USP54: variants seen among roughly 807,000 people sequenced by gnomAD.
USP54 encodes the protein ubiquitin specific peptidase 54.
A neutral mutation model predicts 170.5 loss-of-function variants in USP54; 87 were observed. The observed-to-expected ratio is 0.51, with a 90% CI of 0.43 to 0.61. The LOEUF (loss-of-function observed/expected upper bound fraction) is 0.61, where lower values mean the gene tolerates loss of function less well. Ranked by LOEUF, USP54 falls within the 20% of genes least tolerant of loss-of-function variation. The probability of loss-of-function intolerance (pLI) is 0.00; values close to 1 mark genes in which losing one functional copy is unlikely to be tolerated. For synonymous variants in USP54, 655 were observed against 742.8 expected (o/e 0.88, Z 1.92); for missense variants, 1,786 against 2,047.8 (o/e 0.87, Z 2.47).
In USP54 at chr10:73,510,500, G is replaced by C. The variant is rs114795696; in HGVS notation, c.4052-5074C>G. On this transcript the variant is annotated intron_variant, in intron 20 of 23. Transcript: ENST00000687698. ...CAGTTTTGCTCTTGTTGCCCAGGCT[G>C]TAGTGCAATGGGCAGCTCACTGCAA... Among the ~76,000 whole-genome samples, 1,125 of 143,152 alleles carry C rather than the reference G, an allele frequency of 7.9e-3. 16 individuals are homozygous for C. Among genetic ancestry groups the C allele is most frequent in the African/African-American group, 0.028 (1,063 of 38,520 alleles). The allele number at this position is 143,152 out of a possible 152,430, so 93.9% of individuals were successfully genotyped here. A position where few individuals can be genotyped will look rare whatever the true frequency, so the allele number is the denominator to read the frequency against.
chr10:73,544,484 A>G (rs1011173588), intron 5 of USP54, among the ~76,000 whole-genome samples: 2 of 152,168 alleles, frequency 1.3e-5, no homozygotes, highest in Non-Finnish European at 1.5e-5. Context: ...TTGTTTTAAT[A>G]TAAGTTTTCA....
At chr10:73,596,919 A>C (rs953307571) in intron 1 of USP54, among the ~76,000 whole-genome samples, 1 of 152,176 alleles carries the variant, frequency 6.6e-6, no homozygotes, top group Non-Finnish European at 1.5e-5. Flanking sequence ...AGAATCATAC[A>C]CTAAAGCTGC....
Position 73,544,249 on chromosome 10 carries a change from T to A in USP54, c.376-1118A>T, listed in dbSNP as rs182273230. ...TGAGCCCGGCCAGCATATAACCTTTTGATATTGCATTTTTCACTTTCCCTT... is the reference window on the plus strand; with the variant it reads ...TGAGCCCGGCCAGCATATAACCTTTAGATATTGCATTTTTCACTTTCCCTT... On this transcript the variant is annotated intron_variant, in intron 5 of 23. Coordinates refer to ENST00000687698, the MANE Select transcript of USP54 (RefSeq NM_001391956.1). Among the ~76,000 whole-genome samples, 3 of 152,334 alleles carry A rather than the reference T, an allele frequency of 2.0e-5. No individual in the cohort carries two copies. The East Asian group carries it at 5.8e-4, about 29-fold the overall frequency.
intron 1 of USP54, among the ~76,000 whole-genome samples, chr10:73,615,868 G>A (rs1042546954): frequency 4.9e-5 from 6 of 121,488 alleles, no homozygotes; most frequent in South Asian, 5.1e-4. Context: ...TGTAGTGAGC[G>A]AAATCACTCC....
At chr10:73,546,739 T>C (rs1054853245) in intron 4 of USP54, 1 of 152,240 alleles carries the variant, frequency 6.6e-6, no homozygotes, top group African/African-American at 2.4e-5. Flanking sequence ...GATATAGATA[T>C]AGACCTGGTA....
At chr10:73,549,627 C>T (rs1174552995) in intron 4 of USP54, among the ~76,000 whole-genome samples, 1 of 152,060 alleles carries the variant, frequency 6.6e-6, no homozygotes, top group Non-Finnish European at 1.5e-5. Flanking sequence ...TATATCTAGA[C>T]CCTATTCCAC....
At chr10:73,549,673 C>T (rs1010400777) in intron 4 of USP54, among the ~76,000 whole-genome samples, 4 of 152,314 alleles carry the variant, frequency 2.6e-5, no homozygotes, top group African/African-American at 7.2e-5. Context: ...TGTTCACCAC[C>T]TCATCTGCTA....
At chr10:73,511,333 T>A (rs1477156766) in intron 20 of USP54, among the ~76,000 whole-genome samples, 5 of 151,818 alleles carry the variant, frequency 3.3e-5, no homozygotes, top group Non-Finnish European at 7.4e-5. Flanking sequence ...TACATATCAA[T>A]AAAGCATTTT....
intron 1 of USP54, among the ~76,000 whole-genome samples, chr10:73,621,209 C>T (rs2081059352): frequency 6.7e-6 from 1 of 148,970 alleles, no homozygotes; most frequent in Non-Finnish European, 1.5e-5. Flanking sequence ...ACCAGAAAAC[C>T]GTACTTTGGA....
chr10:73,519,943 T>A lies in USP54; in HGVS notation c.2532A>T (p.Arg844Ser), dbSNP rs775971272. The A allele has an allele frequency of 4.1e-5, 66 of 1,613,508 alleles. No homozygotes were observed. Among genetic ancestry groups the A allele is most frequent in the Non-Finnish European group, 5.3e-5 (62 of 1,179,772 alleles). Residue 844 changes from arginine (R) to serine (S), a missense_variant, in exon 19 of 24, where the codon AGA (arginine) becomes AGT (serine). Arg to Ser is a moderately radical substitution (Grantham distance 110). This residue lies in a region of USP54 where 1,418 missense variants were observed against 1,569.0 expected (regional missense o/e 0.90). Coordinates refer to ENST00000687698, the MANE Select transcript of USP54 (RefSeq NM_001391956.1). ...LHGASCSTHS[R>S]ALVDKKLQIS... is the part of the protein sequence containing the mutation. ...TTTGCAACTTCTTATCGACTAGGGC[T>A]CTGCTGTGCGTGCTACAGCTGGCAC...
intron 4 of USP54, among the ~76,000 whole-genome samples, chr10:73,550,708 T>A (rs540603485): frequency 6.4e-4 from 98 of 152,324 alleles, no homozygotes; most frequent in Admixed American, 1.0e-3. Context: ...TGTTTTTTTT[T>A]AAATAAGTAA....
At chr10:73,570,902 C>T (rs997940705) in intron 4 of USP54, among the ~76,000 whole-genome samples, 1 of 152,046 alleles carries the variant, frequency 6.6e-6, no homozygotes, top group African/African-American at 2.4e-5. Flanking sequence ...CTTTGGGAGG[C>T]CGAGGCAGGC....
chr10:73,502,680 GTC>G (rs2058375465), intron 22 of USP54, among the ~76,000 whole-genome samples: 1 of 152,080 alleles, frequency 6.6e-6, no homozygotes, highest in Non-Finnish European at 1.5e-5. Context: ...TTTCCCTTCA[GTC>G]TCTCTAATCT....
chr10:73,570,085 C>G (rs1461675034), intron 4 of USP54, among the ~76,000 whole-genome samples: 1 of 151,898 alleles, frequency 6.6e-6, no homozygotes, highest in Non-Finnish European at 1.5e-5. Flanking sequence ...ATATAACGAT[C>G]ACATCCAAAC....
At chr10:73,567,901 A>T (rs78289945) in intron 4 of USP54, among the ~76,000 whole-genome samples, 1 of 152,244 alleles carries the variant, frequency 6.6e-6, no homozygotes, top group Non-Finnish European at 1.5e-5. Flanking sequence ...TATTATTTTC[A>T]ATAAAAGTAT....
intron 1 of USP54, among the ~76,000 whole-genome samples, chr10:73,610,942 G>T (rs1382953266): frequency 6.6e-6 from 1 of 152,122 alleles, no homozygotes; most frequent in Non-Finnish European, 1.5e-5. Flanking sequence ...AATAGGGCTA[G>T]ATTTCCTATT....
chr10:73,606,719 A>C (rs2079661301), intron 1 of USP54, among the ~76,000 whole-genome samples: 1 of 151,958 alleles, frequency 6.6e-6, no homozygotes, highest in Non-Finnish European at 1.5e-5. Flanking sequence ...TCTACTAAAA[A>C]TACAAAAAAA....
chr10:73,595,761 A>C (rs1213143072), upstream of USP54, among the ~76,000 whole-genome samples: 1 of 152,246 alleles, frequency 6.6e-6, no homozygotes, highest in Non-Finnish European at 1.5e-5. Context: ...GAAAGCAAGA[A>C]GAGTATGAAA....
chr10:73,567,169 A>G (rs1008585574), intron 4 of USP54, among the ~76,000 whole-genome samples: 2 of 151,912 alleles, frequency 1.3e-5, no homozygotes, highest in South Asian at 2.1e-4. Context: ...GTGAGCCACC[A>G]CATCCTGCCG....
Sources: allele counts gnomAD v4.1 joint callset (sites outside exome capture counted in the v4.1 genomes callset), GRCh38; gene constraint gnomAD v4.1.1; regional missense constraint gnomAD v4.1.1; transcripts MANE v1.5; gene names NCBI Gene and HGNC (gene_info 2026-07-23, HGNC 2026-07-21).